Variants in IGFBP7 observed in about 807,000 individuals in gnomAD.
IGFBP7 encodes insulin-like growth factor-binding protein 7.
In IGFBP7, 31 loss-of-function variants were observed where a neutral mutation model predicts 29.4. The ratio of observed to expected loss-of-function variants is 1.05; its 90% CI spans 0.79 to 1.42. IGFBP7 has a LOEUF of 1.42. Among genes scored for constraint, IGFBP7 ranks in the 40% most tolerant of loss-of-function variants. The pLI is 0.00. For missense variants in IGFBP7, 393 were observed against 395.5 expected (o/e 0.99, Z 0.05); for synonymous variants, 172 against 174.9 (o/e 0.98, Z 0.13).
chr4:57,060,320 C>A (rs1724770606), intron 1 of IGFBP7, among the ~76,000 whole-genome samples: 1 of 152,154 alleles, frequency 6.6e-6, no homozygotes, highest in Non-Finnish European at 1.5e-5. Context: ...GAGTAACTCA[C>A]CAGATCAACT....
intron 1 of IGFBP7, among the ~76,000 whole-genome samples, chr4:57,094,796 C>A (rs554886288): frequency 5.3e-5 from 8 of 152,328 alleles, no homozygotes. Context: ...CACTGTCAAT[C>A]CTCACTATTT....
intron 1 of IGFBP7, among the ~76,000 whole-genome samples, chr4:57,043,889 C>G (rs1724290736): frequency 6.6e-6 from 1 of 152,196 alleles, no homozygotes; most frequent in African/African-American, 2.4e-5. Flanking sequence ...TATGGGACCC[C>G]AAGGGTTTGG....
intron 1 of IGFBP7, among the ~76,000 whole-genome samples, chr4:57,048,344 C>T (rs59666483): frequency 0.092 from 14,055 of 152,216 alleles, 767 homozygotes; most frequent in African/African-American, 0.14. Flanking sequence ...CAACAGCACC[C>T]GGCCTCCTTT....
At position 57,071,821 on chromosome 4, in the gene IGFBP7, G is replaced by C. The variant is rs1725058845; in HGVS notation, c.476-30888C>G. 2.6e-5 allele frequency among the ~76,000 whole-genome samples: 4 copies of C among 152,184 alleles called. 1 individual carries two copies. Among genetic ancestry groups the C allele is most frequent in the Admixed American group, 2.6e-4 (4 of 15,300 alleles). ...TCTCTGAGGATTGGGAACCTTGGCT[G>C]GGGTAAGGGAGGTGATTATTAAAAA... On this transcript the variant is annotated intron_variant, in intron 1 of 4. Coordinates refer to ENST00000295666, the MANE Select transcript of IGFBP7 (RefSeq NM_001553.3).
rs754402904 is a variant in IGFBP7 at position 57,109,848 on chromosome 4, G to T, written c.475+29C>A. ...GCCCTTCGCTGGGCCGAGCGGCGCA[G>T]GGTTGGAGAGGGAAGCGCTCGTGCC... On this transcript the variant is annotated intron_variant, in intron 1 of 4. Coordinates refer to ENST00000295666, the MANE Select transcript of IGFBP7 (RefSeq NM_001553.3). 8.5e-6 allele frequency: 13 copies of T among 1,531,808 alleles called. No individual in the cohort carries two copies. In the East Asian group the frequency reaches 3.2e-4, roughly 38 times the overall value. The allele number at this position is 1,531,808 out of a possible 1,614,324, so 94.9% of individuals were successfully genotyped here.
At chr4:57,094,322 C>T (rs920517417) in intron 1 of IGFBP7, among the ~76,000 whole-genome samples, 1 of 152,186 alleles carries the variant, frequency 6.6e-6, no homozygotes, top group African/African-American at 2.4e-5. Context: ...ACAGAGCCTA[C>T]TTGCCAAGTG....
At chr4:57,067,731 A>ACCTTATTC (rs1401870098) in intron 1 of IGFBP7, among the ~76,000 whole-genome samples, 1 of 152,164 alleles carries the variant, frequency 6.6e-6, no homozygotes, top group Non-Finnish European at 1.5e-5. Flanking sequence ...GATTAAAATG[A>ACCTTATTC]CCTTATTCCA....
Position 57,031,022 on chromosome 4 carries a change from T to C in IGFBP7, c.*295A>G. ...CAGGAGTCAACAAGATAATTAAATA[T>C]CTTGGTGTCTTGTTTCTATTGTGTG... On this transcript the variant is annotated 3_prime_UTR_variant, in exon 5 of 5. Transcript: ENST00000295666. 8.2e-7 allele frequency: 1 copy of C among 1,216,802 alleles called. No homozygotes were observed. The highest frequency in any genetic ancestry group is 1.2e-6 in the Non-Finnish European group (1 of 817,842). 75.4% of individuals were successfully genotyped at this position (1,216,802 alleles called of 1,614,324 possible). A position where few individuals can be genotyped will look rare whatever the true frequency, so the allele number is the denominator to read the frequency against.
intron 4 of IGFBP7, among the ~76,000 whole-genome samples, chr4:57,031,842 A>C (rs1723939903): frequency 6.6e-6 from 1 of 152,236 alleles, no homozygotes; most frequent in Admixed American, 6.5e-5. Flanking sequence ...ATGGTTTGAC[A>C]CATGGTGACG....
At chr4:57,100,584 A>C (rs1437763004) in intron 1 of IGFBP7, among the ~76,000 whole-genome samples, 2 of 152,216 alleles carry the variant, frequency 1.3e-5, no homozygotes, top group African/African-American at 4.8e-5. Flanking sequence ...CGAATGAAAG[A>C]GCTCTTTTAG....
rs539022718 is a variant in IGFBP7, at chr4:57,048,205, C to T, written c.476-7272G>A. ...TAGCTGGGACTACAGGCATCCACCA[C>T]CACTCCCGGCTAACTTTTTGTATTT... On this transcript the variant is annotated intron_variant, in intron 1 of 4. Transcript: ENST00000295666. Among the ~76,000 whole-genome samples the T allele has an allele frequency of 3.3e-4, 50 of 152,234 alleles. No individual in the cohort carries two copies. The South Asian group carries it at 0.01, about 31-fold the overall frequency.
At chr4:57,074,727 T>A (rs1725179206) in intron 1 of IGFBP7, among the ~76,000 whole-genome samples, 1 of 152,204 alleles carries the variant, frequency 6.6e-6, no homozygotes, top group South Asian at 2.1e-4. Flanking sequence ...CTTTTAAGTC[T>A]TTCAATTAAA....
Position 57,071,833 on chromosome 4 carries a change from G to T in IGFBP7, c.476-30900C>A, listed in dbSNP as rs142263813. Among the ~76,000 whole-genome samples, 1,141 of 152,176 alleles carry T rather than the reference G, an allele frequency of 7.5e-3. 16 individuals are homozygous for T. Among genetic ancestry groups the T allele is most frequent in the African/African-American group, 0.026 (1,088 of 41,504 alleles). ...GGGAACCTTGGCTGGGGTAAGGGAG[G>T]TGATTATTAAAAATGTCCTAGGCTT... is the stretch of plus-strand genomic sequence containing the variant. On this transcript the variant is annotated intron_variant, in intron 1 of 4. Coordinates refer to ENST00000295666, the MANE Select transcript of IGFBP7 (RefSeq NM_001553.3).
chr4:57,109,945 G>T lies in IGFBP7; in HGVS notation c.407C>A (p.Ala136Asp). ...TYPSGCQLRA[A>D]SQRAESRGEK... Reference sequence around the variant, plus strand: ...CCCGCGGCTCTCGGCCCTCTGGCTGGCGGCGCGCAGCTGGCAGCCGCTCGG... The same window carrying T: ...CCCGCGGCTCTCGGCCCTCTGGCTGTCGGCGCGCAGCTGGCAGCCGCTCGG... The change falls in exon 1 of 5, where the codon GCC becomes GAC. Residue 136 changes from alanine (A) to aspartate (D), a missense_variant. Physicochemically the swap from Ala to Asp is moderately radical, Grantham distance 126. Transcript: ENST00000295666. The T allele has an allele frequency of 6.4e-7, 1 of 1,555,246 alleles. No individual in the cohort carries two copies. The highest frequency in any genetic ancestry group is 2.4e-5 in the East Asian group (1 of 42,488).
chr4:57,037,922 G>C (rs568448689), intron 2 of IGFBP7, among the ~76,000 whole-genome samples: 21 of 152,210 alleles, frequency 1.4e-4, no homozygotes, highest in Non-Finnish European at 2.5e-4. Flanking sequence ...TGCAGTTCTT[G>C]CAGTAAGGAT....
At chr4:57,074,190 A>G (rs2109779337) in intron 1 of IGFBP7, among the ~76,000 whole-genome samples, 1 of 152,248 alleles carries the variant, frequency 6.6e-6, no homozygotes, top group South Asian at 2.1e-4. Flanking sequence ...CCTCCCGAGT[A>G]GCTGGGATTA....
chr4:57,094,859 C>T (rs1247006461), intron 1 of IGFBP7, among the ~76,000 whole-genome samples: 1 of 152,216 alleles, frequency 6.6e-6, no homozygotes, highest in East Asian at 1.9e-4. Context: ...ATTGCCTCCC[C>T]CAAATCAAAT....
intron 1 of IGFBP7, among the ~76,000 whole-genome samples, chr4:57,073,525 G>A (rs1373789003): frequency 6.6e-6 from 1 of 151,836 alleles, no homozygotes; most frequent in East Asian, 1.9e-4. Flanking sequence ...AGCCAGAGAA[G>A]TTGAGGTTGA....
chr4:57,033,493 T>C (rs944303245), intron 2 of IGFBP7, among the ~76,000 whole-genome samples, 182 bp from the exon 3 acceptor site: 2 of 152,218 alleles, frequency 1.3e-5, no homozygotes, highest in South Asian at 4.1e-4. Context: ...TTTTATTTCT[T>C]CCTGCCAGTT....
Sources: allele counts gnomAD v4.1 joint callset (sites outside exome capture counted in the v4.1 genomes callset), GRCh38; gene constraint gnomAD v4.1.1; transcripts MANE v1.5; gene names NCBI Gene and HGNC (gene_info 2026-07-23, HGNC 2026-07-21).